CRTAP: variants seen among roughly 807,000 people sequenced by gnomAD.
The protein encoded by CRTAP is cartilage associated protein.
Under a neutral mutation model 42.7 loss-of-function variants are expected in CRTAP, and 33 were observed. That is an observed-to-expected ratio of 0.77 (90% confidence interval 0.59 to 1.03). The LOEUF is 1.03. Among genes scored for constraint, CRTAP ranks in the 50% least tolerant of loss-of-function variants. CRTAP has a pLI of 0.00. For synonymous variants in CRTAP, 243 were observed against 217.7 expected, an observed-to-expected ratio of 1.12 and a Z score of -1.02; for missense variants, 613 against 533.9, an observed-to-expected ratio of 1.15 and a Z score of -1.46.
chr3:33,121,538 A>G (rs755345130), intron 2 of CRTAP, among the ~76,000 whole-genome samples: 30 of 152,140 alleles, frequency 2.0e-4, no homozygotes, highest in Non-Finnish European at 4.0e-4. Context: ...TGCTAGGGAA[A>G]ATGTATGTGT....
rs2125595986 is a variant in CRTAP at position 33,114,344 on chromosome 3, C to G, written c.267C>G (p.Ser89Arg). The G allele has an allele frequency of 6.5e-7, 1 of 1,527,718 alleles. No individual in the cohort carries two copies. Among genetic ancestry groups the G allele is most frequent in the Non-Finnish European group, 8.7e-7 (1 of 1,144,144 alleles). The allele number at this position is 1,527,718 out of a possible 1,614,324, so 94.6% of individuals were successfully genotyped here. ...AGGCCTTCTGCCACCGCAACTGCAG[C>G]GCCGCGCCGCAGCCCGAGCCCGCCG... The part of the protein sequence containing the change: ...DSEAFCHRNC[S>R]AAPQPEPAAG... The change falls in exon 1 of 7, where the codon AGC becomes AGG. Residue 89 changes from serine (S) to arginine (R), a missense_variant. Physicochemically the swap from Ser to Arg is moderately radical, Grantham distance 110. Transcript: ENST00000320954.
intron 1 of CRTAP, among the ~76,000 whole-genome samples, chr3:33,115,516 A>G (rs2125596636): frequency 6.6e-6 from 1 of 152,198 alleles, no homozygotes; most frequent in African/African-American, 2.4e-5. Context: ...ACAAGTTTTA[A>G]GAATGGTTAG....
At position 33,132,676 on chromosome 3, in the gene CRTAP, G is replaced by A. The variant is rs1135128; in HGVS notation, c.1044G>A (p.Ser348=). The change falls in exon 5 of 7, where the codon TCG becomes TCA. Residue 348 remains serine (S), a synonymous_variant. Coordinates refer to ENST00000320954, the MANE Select transcript of CRTAP (RefSeq NM_006371.5). ...ACCACAGGGACACTTGGGGCCTCTCGGATGAGCACTTCCAGCCCAGACCTG... is the reference window on the plus strand; with the variant it reads ...ACCACAGGGACACTTGGGGCCTCTCAGATGAGCACTTCCAGCCCAGACCTG... The part of the protein sequence containing the change: ...YQYHRDTWGL[S]DEHFQPRPEA... 652,549 of 1,612,154 alleles carry A rather than the reference G, an allele frequency of 0.4. 136,984 individuals are homozygous for A. The highest frequency in any genetic ancestry group is 0.51 in the Middle Eastern group (3,053 of 6,022).
rs1327862062 is a variant in CRTAP, at chr3:33,145,046, T to C, written c.*2598T>C. ...ATAGAGTGTTTGGGTTTTTGTGTAA[T>C]GGTGGTTAATTGGGGTGGAACACTC... On this transcript the variant is annotated 3_prime_UTR_variant, in exon 7 of 7. Coordinates refer to ENST00000320954, the MANE Select transcript of CRTAP (RefSeq NM_006371.5). The surrounding 1 kb of genome is among the most constrained non-coding windows in gnomAD (Gnocchi z 4.3). The C allele has an allele frequency of 2.0e-5, 3 of 152,234 alleles. No individual in the cohort carries two copies. Among genetic ancestry groups the C allele is most frequent in the Non-Finnish European group, 4.4e-5 (3 of 68,048 alleles). The allele number at this position is 152,234 out of a possible 1,614,324, so 9.4% of individuals were successfully genotyped here.
chr3:33,142,518 C>G lies in CRTAP; in HGVS notation c.*70C>G. 1 of 1,486,952 alleles carries G rather than the reference C, an allele frequency of 6.7e-7. No homozygotes were observed. Among genetic ancestry groups the G allele is most frequent in the Non-Finnish European group, 9.4e-7 (1 of 1,064,826 alleles). 92.1% of individuals were successfully genotyped at this position (1,486,952 alleles called of 1,614,324 possible). ...AGATTCTTTGTCCTTTTCCCAACAG[C>G]CCAGGCTGTTGATACCTCAGAGCCT... is the stretch of plus-strand genomic sequence containing the variant. On this transcript the variant is annotated 3_prime_UTR_variant, in exon 7 of 7. Coordinates refer to ENST00000320954, the MANE Select transcript of CRTAP (RefSeq NM_006371.5).
intron 4 of CRTAP, among the ~76,000 whole-genome samples, chr3:33,132,173 G>C (rs979826258): frequency 3.9e-5 from 6 of 152,122 alleles, no homozygotes; most frequent in African/African-American, 1.4e-4. Flanking sequence ...ATCCAGATGG[G>C]ATCCAGACAC....
At chr3:33,117,798 G>A (rs752952589) in intron 1 of CRTAP, among the ~76,000 whole-genome samples, 1 of 152,196 alleles carries the variant, frequency 6.6e-6, no homozygotes, top group Non-Finnish European at 1.5e-5. Context: ...TCTGTCAGAG[G>A]TTTGGTAGCC....
intron 2 of CRTAP, among the ~76,000 whole-genome samples, chr3:33,122,559 A>T (rs1464729569): frequency 6.6e-6 from 1 of 151,882 alleles, no homozygotes; most frequent in Non-Finnish European, 1.5e-5. Flanking sequence ...ATACAAAAAA[A>T]TTAGCCAGGC....
rs750808269 is a variant in CRTAP, at chr3:33,124,443, T to G, written c.657T>G (p.Gly219=). ...LFIRAVRAYN[G]ENWRTSITDM... ...TCCGAGCAGTGCGGGCATACAACGG[T>G]GAGAACTGGAGAACATCCATCACAG... The change falls in exon 3 of 7, where the codon GGT becomes GGG. Residue 219 remains glycine, a synonymous_variant. Coordinates refer to ENST00000320954, the MANE Select transcript of CRTAP (RefSeq NM_006371.5). 2.5e-6 allele frequency: 4 copies of G among 1,614,174 alleles called. No homozygotes were observed. The highest frequency in any genetic ancestry group is 3.4e-6 in the Non-Finnish European group (4 of 1,180,030).
chr3:33,114,222 C>A lies in CRTAP; in HGVS notation c.145C>A (p.Arg49=). 6.3e-7 allele frequency: 1 copy of A among 1,592,612 alleles called. No individual in the cohort carries two copies. The highest frequency in any genetic ancestry group is 8.5e-7 in the Non-Finnish European group (1 of 1,175,618). ...GCTGATGCCGCTCGAGTCGGCCTACCGGCACGCGCTGGACAAGTACAGCGG... is the reference window on the plus strand; with the variant it reads ...GCTGATGCCGCTCGAGTCGGCCTACAGGCACGCGCTGGACAAGTACAGCGG... ...DELMPLESAY[R]HALDKYSGEH... The change falls in exon 1 of 7, where the codon CGG becomes AGG. Residue 49 remains arginine, a synonymous_variant. Transcript: ENST00000320954.
At chr3:33,130,618 C>T (rs1406579823) in intron 4 of CRTAP, among the ~76,000 whole-genome samples, 8 of 149,252 alleles carry the variant, frequency 5.4e-5, no homozygotes, top group Admixed American at 6.7e-5. Flanking sequence ...CTGCAACCTC[C>T]GCCTCCCAGG....
At chr3:33,132,848 G>A in intron 5 of CRTAP, 148 bp downstream of exon 5, 1 of 902,588 alleles carries the variant, frequency 1.1e-6, no homozygotes. Flanking sequence ...GGGAGGCCGA[G>A]GCGGGCGGAT....
intron 1 of CRTAP, among the ~76,000 whole-genome samples, chr3:33,116,432 C>T (rs139778153): frequency 1.4e-3 from 220 of 152,318 alleles, no homozygotes; most frequent in African/African-American, 5.0e-3. Flanking sequence ...GATCTCAGCT[C>T]GCTGCAACCT....
chr3:33,130,144 G>A, intron 4 of CRTAP, 77 bp downstream of exon 4: 1 of 1,436,658 alleles, frequency 7.0e-7, no homozygotes, highest in Non-Finnish European at 9.8e-7. Flanking sequence ...ATAACTCTTA[G>A]CTACGGTTGT....
intron 3 of CRTAP, among the ~76,000 whole-genome samples, chr3:33,127,671 C>T (rs1321501812): frequency 6.6e-6 from 1 of 152,108 alleles, no homozygotes; most frequent in Non-Finnish European, 1.5e-5. Context: ...TGGTCTCGAA[C>T]TCCTGACCTC....
Position 33,143,822 on chromosome 3 carries a change from C to A in CRTAP, c.*1374C>A, listed in dbSNP as rs1396384573. 1 of 152,054 alleles carries A rather than the reference C, an allele frequency of 6.6e-6. No individual in the cohort carries two copies. The highest frequency in any genetic ancestry group is 1.5e-5 in the Non-Finnish European group (1 of 68,046). 9.4% of individuals were successfully genotyped at this position (152,054 alleles called of 1,614,324 possible). A position where few individuals can be genotyped will look rare whatever the true frequency, so the allele number is the denominator to read the frequency against. ...GGCAGAGGAACAGGATGTGCACTGCCCCAAAGTGAGAACTTGCTCTACGTG... is the reference window on the plus strand; with the variant it reads ...GGCAGAGGAACAGGATGTGCACTGCACCAAAGTGAGAACTTGCTCTACGTG... On this transcript the variant is annotated 3_prime_UTR_variant, in exon 7 of 7. Transcript: ENST00000320954.
chr3:33,133,077 T>C (rs2030317182), intron 5 of CRTAP, among the ~76,000 whole-genome samples: 1 of 152,176 alleles, frequency 6.6e-6, no homozygotes, highest in Non-Finnish European at 1.5e-5. Context: ...TTTTCTGTAG[T>C]TTTGTGCATG....
At chr3:33,125,490 G>T (rs1306713892) in intron 3 of CRTAP, among the ~76,000 whole-genome samples, 2 of 46,480 alleles carry the variant, frequency 4.3e-5, no homozygotes, top group Admixed American at 2.2e-4. Flanking sequence ...CTACAAAGTA[G>T]GTTTTTTTTT....
chr3:33,128,153 A>G (rs1046651239), intron 3 of CRTAP, among the ~76,000 whole-genome samples: 2 of 152,190 alleles, frequency 1.3e-5, no homozygotes, highest in Non-Finnish European at 2.9e-5. Flanking sequence ...CAATAATATT[A>G]TCTAAATATC....
Sources: gnomAD v4.1 joint callset for allele counts (sites outside exome capture counted in the v4.1 genomes callset) on GRCh38, gnomAD v4.1.1 for gene constraint, Gnocchi (gnomAD v3.1) non-coding constraint, MANE v1.5 for transcripts, NCBI Gene and HGNC (gene_info 2026-07-23, HGNC 2026-07-21) for gene names.